Variants in OXR1 observed in about 807,000 individuals in gnomAD.
OXR1 encodes oxidation resistance 1.
OXR1 carries 41 observed loss-of-function variants against 104.6 expected under a neutral mutation model. That is an observed-to-expected ratio of 0.39 (90% CI 0.31 to 0.51). The LOEUF (loss-of-function observed/expected upper bound fraction) is 0.51. OXR1 is among the 20% of genes least tolerant of loss of function. The pLI is 0.77. For synonymous variants in OXR1, 348 were observed against 348.4 expected, an observed-to-expected ratio of 1.00 and a Z score of 0.01; for missense variants, 955 against 1,031.9, an observed-to-expected ratio of 0.93 and a Z score of 1.02.
intron 1 of OXR1, among the ~76,000 whole-genome samples, chr8:106,344,923 C>T (rs1815414937): frequency 6.6e-6 from 1 of 152,180 alleles, no homozygotes; most frequent in African/African-American, 2.4e-5. Flanking sequence ...CACATCATCT[C>T]TCAAAAGTTG....
chr8:106,447,929 G>A lies in OXR1; in HGVS notation c.24-71014G>A, dbSNP rs930988852. The A allele has an allele frequency of 5.0e-5, 77 of 1,530,400 alleles. 1 individual carries two copies. Among genetic ancestry groups the A allele is most frequent in the Non-Finnish European group, 6.5e-5 (74 of 1,143,568 alleles). 94.8% of individuals were successfully genotyped at this position (1,530,400 alleles called of 1,614,324 possible). On this transcript the variant is annotated intron_variant, in intron 2 of 16. Transcript: ENST00000517566. Reference sequence around the variant, plus strand: ...CGGAGGTAGTGGGTGGAGCTAACGAGACATCTAGTACGGGGCTCACAGGTA... The same window carrying A: ...CGGAGGTAGTGGGTGGAGCTAACGAAACATCTAGTACGGGGCTCACAGGTA...
intron 3 of OXR1, among the ~76,000 whole-genome samples, chr8:106,535,352 A>G (rs1159636222): frequency 6.6e-6 from 1 of 152,162 alleles, no homozygotes; most frequent in Non-Finnish European, 1.5e-5. Context: ...ATGAATCTGG[A>G]CATCTGTAGA....
At chr8:106,323,254 T>G (rs1194884609) in intron 1 of OXR1, among the ~76,000 whole-genome samples, 1 of 152,114 alleles carries the variant, frequency 6.6e-6, no homozygotes, top group African/African-American at 2.4e-5. Context: ...CACTTGATCT[T>G]TAACAAAACT....
intron 3 of OXR1, among the ~76,000 whole-genome samples, chr8:106,574,919 A>T (rs1224625317): frequency 1.3e-5 from 2 of 152,208 alleles, no homozygotes; most frequent in African/African-American, 4.8e-5. Context: ...AATCAACTAC[A>T]ATTCCGTTAG....
intron 3 of OXR1, among the ~76,000 whole-genome samples, chr8:106,569,853 T>G (rs1817350165): frequency 6.6e-6 from 1 of 152,248 alleles, no homozygotes; most frequent in South Asian, 2.1e-4. Flanking sequence ...ATTTGTAGCT[T>G]GTACAGTAGT....
chr8:106,677,771 G>T (rs1023381309), intron 3 of OXR1, among the ~76,000 whole-genome samples: 1 of 152,110 alleles, frequency 6.6e-6, no homozygotes, highest in Non-Finnish European at 1.5e-5. Flanking sequence ...GTGTGTGTGT[G>T]TGTGTATCTC....
intron 7 of OXR1, among the ~76,000 whole-genome samples, chr8:106,694,099 A>G (rs928844992): frequency 1.3e-5 from 2 of 151,858 alleles, no homozygotes; most frequent in African/African-American, 4.8e-5. Context: ...TTCTAATTCG[A>G]TTCTGTGTGA....
chr8:106,503,826 C>T (rs1207784137), intron 2 of OXR1, among the ~76,000 whole-genome samples: 1 of 152,150 alleles, frequency 6.6e-6, no homozygotes, highest in Non-Finnish European at 1.5e-5. Context: ...TCTTAGTTCT[C>T]TTCTACCTGG....
At chr8:106,322,361 A>T (rs906911038) in intron 1 of OXR1, among the ~76,000 whole-genome samples, 48 of 152,334 alleles carry the variant, frequency 3.2e-4, no homozygotes, top group African/African-American at 1.2e-3. Context: ...TTCATGTTAA[A>T]TACTCCCAGT....
At chr8:106,289,482 A>G (rs1210862678) in intron 1 of OXR1, among the ~76,000 whole-genome samples, 1 of 152,222 alleles carries the variant, frequency 6.6e-6, no homozygotes, top group East Asian at 1.9e-4. Context: ...TGCAAGGAGA[A>G]TTACAAAACA....
At chr8:106,428,881 A>G (rs1032125825) in intron 2 of OXR1, among the ~76,000 whole-genome samples, 6 of 152,182 alleles carry the variant, frequency 3.9e-5, no homozygotes, top group African/African-American at 1.4e-4. Flanking sequence ...TCATTGTTAC[A>G]GTATATACGA....
chr8:106,282,962 G>A (rs1271889928), intron 1 of OXR1, among the ~76,000 whole-genome samples: 1 of 152,094 alleles, frequency 6.6e-6, no homozygotes, highest in Non-Finnish European at 1.5e-5. Flanking sequence ...TGTATTATAG[G>A]TTTTACAGAC....
chr8:106,532,496 T>C (rs959593160), intron 3 of OXR1, among the ~76,000 whole-genome samples: 1 of 152,214 alleles, frequency 6.6e-6, no homozygotes, highest in African/African-American at 2.4e-5. Flanking sequence ...AGATAATGTA[T>C]ATAAATTGCT....
chr8:106,605,240 A>AT (rs1176425523), intron 3 of OXR1: 2 of 152,150 alleles, frequency 1.3e-5, no homozygotes, highest in African/African-American at 4.8e-5. Flanking sequence ...GAAAGCTAAA[A>AT]TTTTTTAAAA....
chr8:106,613,074 G>A (rs1346822546), intron 3 of OXR1, among the ~76,000 whole-genome samples: 2 of 152,046 alleles, frequency 1.3e-5, no homozygotes, highest in African/African-American at 4.8e-5. Flanking sequence ...CAGGAGGGAA[G>A]AACAGAATGG....
At chr8:106,291,171 C>G (rs1457244919) in intron 1 of OXR1, among the ~76,000 whole-genome samples, 3 of 152,046 alleles carry the variant, frequency 2.0e-5, no homozygotes, top group African/African-American at 7.2e-5. Context: ...GGCCATAATC[C>G]TAAGTGAATG....
At chr8:106,293,920 TCAGACCATAG>T (rs1444927811) in intron 1 of OXR1, among the ~76,000 whole-genome samples, 1 of 151,082 alleles carries the variant, frequency 6.6e-6, no homozygotes, top group Non-Finnish European at 1.5e-5. Context: ...GGGGACACAT[TCAGACCATAG>T]CATTATGATT....
In OXR1 at chr8:106,752,650, G is replaced by A. The variant is rs1428868396; in HGVS notation, c.*1709G>A. 1 of 152,288 alleles carries A rather than the reference G, an allele frequency of 6.6e-6. No homozygotes were observed. The highest frequency in any genetic ancestry group is 1.5e-5 in the Non-Finnish European group (1 of 67,928). The allele number at this position is 152,288 out of a possible 1,614,324, so 9.4% of individuals were successfully genotyped here. A position where few individuals can be genotyped will look rare whatever the true frequency, so the allele number is the denominator to read the frequency against. ...TGTAATGGATTTCTACTAAAATAAG[G>A]TCATAGTGGCATATACCAAATAAAA... is the stretch of plus-strand genomic sequence containing the variant. On this transcript the variant is annotated 3_prime_UTR_variant, in exon 17 of 17. Coordinates refer to ENST00000517566, the MANE Select transcript of OXR1 (RefSeq NM_001198533.2).
Position 106,447,957 on chromosome 8 carries a change from A to G in OXR1, c.24-70986A>G. The G allele has an allele frequency of 1.1e-5, 17 of 1,535,350 alleles. 1 individual carries two copies. The South Asian group carries it at 1.9e-4, about 17-fold the overall frequency. On this transcript the variant is annotated intron_variant, in intron 2 of 16. Transcript: ENST00000517566. ...ATCTAGTACGGGGCTCACAGGTAACAGAACTCTGATCAGATCCGCCCCGGC... is the reference window on the plus strand; with the variant it reads ...ATCTAGTACGGGGCTCACAGGTAACGGAACTCTGATCAGATCCGCCCCGGC...
Sources: allele counts gnomAD v4.1 joint callset (sites outside exome capture counted in the v4.1 genomes callset), GRCh38; gene constraint gnomAD v4.1.1; transcripts MANE v1.5; gene names NCBI Gene and HGNC (gene_info 2026-07-23, HGNC 2026-07-21).